The following B4GALT5 variants were observed in gnomAD, a reference collection of about 807,000 sequenced individuals.
The protein encoded by B4GALT5 is UDP-Gal:beta-GlcNAc beta-1,4-galactosyltransferase 5.
A neutral mutation model predicts 45.0 loss-of-function variants in B4GALT5; 11 were observed. The observed-to-expected ratio is 0.24, with a 90% CI of 0.15 to 0.40. The LOEUF is 0.40. B4GALT5 is among the 10% of genes least tolerant of loss of function. The probability of loss-of-function intolerance (pLI) is 1.00; values close to 1 mark genes in which losing one functional copy is unlikely to be tolerated. For synonymous variants in B4GALT5, 185 were observed against 182.9 expected (o/e 1.01, Z -0.09); for missense variants, 337 against 500.2 (o/e 0.67, Z 3.11).
At chr20:49,688,413 G>T (rs1171897102) in intron 1 of B4GALT5, among the ~76,000 whole-genome samples, 1 of 152,158 alleles carries the variant, frequency 6.6e-6, no homozygotes, top group Non-Finnish European at 1.5e-5. Flanking sequence ...AACTCCTGCA[G>T]GGTACTTCCA....
chr20:49,693,660 G>A lies in B4GALT5; in HGVS notation c.115+19916C>T, dbSNP rs141157776. Reference sequence around the variant, plus strand: ...ACTATTCATGGTTACATATCATCAAGAAACAAGCTTACTTTCGCCACCACT... The same window carrying A: ...ACTATTCATGGTTACATATCATCAAAAAACAAGCTTACTTTCGCCACCACT... On this transcript the variant is annotated intron_variant, in intron 1 of 8. Coordinates refer to ENST00000371711, the MANE Select transcript of B4GALT5 (RefSeq NM_004776.4). Among the ~76,000 whole-genome samples, 156 of 152,322 alleles carry A rather than the reference G, an allele frequency of 1.0e-3. 1 individual carries two copies. Among genetic ancestry groups the A allele is most frequent in the Non-Finnish European group, 1.8e-3 (123 of 68,036 alleles).
intron 1 of B4GALT5, among the ~76,000 whole-genome samples, chr20:49,665,175 T>A (rs1196007119): frequency 6.6e-6 from 1 of 151,764 alleles, no homozygotes; most frequent in East Asian, 1.9e-4. Context: ...CCCAGCAGTT[T>A]GGGAGGCCTA....
Position 49,656,578 on chromosome 20 carries a change from T to C in B4GALT5, c.240A>G (p.Val80=), listed in dbSNP as rs765164789. 1.9e-6 allele frequency: 3 copies of C among 1,614,208 alleles called. No individual in the cohort carries two copies. The highest frequency in any genetic ancestry group is 1.3e-5 in the African/African-American group (1 of 75,054). ...TTACTAAAAATATACCTGAGTCATT[T>C]ACACTGCTGTTCCTCTTGGCATAAG... ...RSAYAKRNSS[V]NDSDYPLDLN... Residue 80 remains valine (V), a synonymous_variant, in exon 2 of 9, where the codon GTA becomes GTG. Transcript: ENST00000371711.
In B4GALT5 at chr20:49,713,591, C is replaced by T. The variant is rs2085930392; in HGVS notation, c.100G>A (p.Val34Met). The T allele has an allele frequency of 6.3e-7, 1 of 1,588,196 alleles. No homozygotes were observed. The highest frequency in any genetic ancestry group is 8.6e-7 in the Non-Finnish European group (1 of 1,168,448). ...CCCTTCCTACCTATGCCGGGCGCCA[C>T]ATAGACGAAGTACAGCAGCGAGGAC... ...LSSSLLYFVYVAPGIVNTYLF... is the reference protein window; with the variant it reads ...LSSSLLYFVYMAPGIVNTYLF... The change falls in exon 1 of 9, where the codon GTG (valine) becomes ATG (methionine). Residue 34 changes from valine to methionine, a missense_variant. Val to Met is a conservative substitution (Grantham distance 21, BLOSUM62 1). Coordinates refer to ENST00000371711, the MANE Select transcript of B4GALT5 (RefSeq NM_004776.4).
intron 2 of B4GALT5, among the ~76,000 whole-genome samples, chr20:49,655,894 T>C (rs558014401): frequency 5.7e-5 from 8 of 140,562 alleles, no homozygotes; most frequent in Admixed American, 2.3e-4. Flanking sequence ...ACCCGTTGCA[T>C]GCCAGCCTGG....
chr20:49,658,784 A>G (rs1026442990), intron 1 of B4GALT5, among the ~76,000 whole-genome samples: 1 of 152,194 alleles, frequency 6.6e-6, no homozygotes, highest in African/African-American at 2.4e-5. Flanking sequence ...ATGAATGTGC[A>G]CTTGTAACAA....
chr20:49,679,158 A>G lies in B4GALT5; in HGVS notation c.116-22456T>C, dbSNP rs149675534. 4.6e-5 allele frequency among the ~76,000 whole-genome samples: 7 copies of G among 152,282 alleles called. No individual in the cohort carries two copies. In the East Asian group the frequency reaches 1.3e-3, roughly 29 times the overall value. ...TCAATAGATTATGGGAAATGGCCTAAAAGTCTACTGGAAACCAGACTGAAC... is the reference window on the plus strand; with the variant it reads ...TCAATAGATTATGGGAAATGGCCTAGAAGTCTACTGGAAACCAGACTGAAC... On this transcript the variant is annotated intron_variant, in intron 1 of 8. Coordinates refer to ENST00000371711, the MANE Select transcript of B4GALT5 (RefSeq NM_004776.4).
chr20:49,653,659 T>C (rs2085631060), intron 2 of B4GALT5, among the ~76,000 whole-genome samples: 1 of 152,246 alleles, frequency 6.6e-6, no homozygotes, highest in Non-Finnish European at 1.5e-5. Context: ...TTCTGGGTTC[T>C]TGTGAGGGAC....
intron 1 of B4GALT5, among the ~76,000 whole-genome samples, chr20:49,711,765 GCCTGTTCTATCTTC>G: frequency 6.6e-6 from 1 of 152,278 alleles, no homozygotes; most frequent in East Asian, 1.9e-4. Flanking sequence ...ATCTGATGCT[GCCTGTTCTATCTTC>G]CCAGATCTAG....
At chr20:49,651,720 T>C (rs1022105719) in intron 2 of B4GALT5, among the ~76,000 whole-genome samples, 6 of 152,232 alleles carry the variant, frequency 3.9e-5, no homozygotes, top group East Asian at 1.9e-4. Flanking sequence ...TTATTCAGCA[T>C]TGCTTCACAC....
chr20:49,646,759 G>A (rs2085600667), intron 3 of B4GALT5, among the ~76,000 whole-genome samples: 1 of 152,196 alleles, frequency 6.6e-6, no homozygotes, highest in African/African-American at 2.4e-5. Context: ...GAGTGAAAAA[G>A]TAGGAAAGGT....
rs34950656 is a variant in B4GALT5, at chr20:49,703,891, G to GAA, written c.115+9683_115+9684dup. Among the ~76,000 whole-genome samples, 598 of 142,580 alleles carry GAA rather than the reference G, an allele frequency of 4.2e-3. 5 individuals carry two copies. The highest frequency in any genetic ancestry group is 5.1e-3 in the Non-Finnish European group (332 of 65,638). 93.5% of individuals were successfully genotyped at this position (142,580 alleles called of 152,430 possible). ...GCAACTGAGTGAGACTCCATCTCAG[G>GAA]AAAAAAAAAAAAATACAGATTCAAA... On this transcript the variant is annotated intron_variant, in intron 1 of 8. Transcript: ENST00000371711.
chr20:49,674,659 C>A (rs1389471079), intron 1 of B4GALT5, among the ~76,000 whole-genome samples: 2 of 150,870 alleles, frequency 1.3e-5, no homozygotes, highest in African/African-American at 4.9e-5. Context: ...CCAGACCAGC[C>A]TGGGAAACAT....
chr20:49,706,525 C>T (rs903301152), intron 1 of B4GALT5, among the ~76,000 whole-genome samples: 4 of 152,192 alleles, frequency 2.6e-5, no homozygotes, highest in African/African-American at 7.2e-5. Context: ...ACATGACACT[C>T]AAATGCTGGG....
intron 1 of B4GALT5, among the ~76,000 whole-genome samples, chr20:49,699,189 A>C (rs986247880): frequency 2.0e-5 from 3 of 152,104 alleles, no homozygotes; most frequent in Non-Finnish European, 4.4e-5. Flanking sequence ...AATGACAATC[A>C]GTACTGATTG....
intron 1 of B4GALT5, among the ~76,000 whole-genome samples, chr20:49,657,357 C>G (rs977199036): frequency 7.2e-5 from 11 of 152,166 alleles, no homozygotes; most frequent in Non-Finnish European, 4.4e-5. Flanking sequence ...ATGCTCTTAA[C>G]AAATGAGTGT....
chr20:49,713,543 G>C (rs749745490), intron 1 of B4GALT5, 33 bp downstream of exon 1: 1 of 1,543,970 alleles, frequency 6.5e-7, no homozygotes, highest in South Asian at 1.2e-5. Context: ...AGGCCAGAGC[G>C]GCAGCCGCCG....
At chr20:49,703,727 A>T (rs2085872270) in intron 1 of B4GALT5, among the ~76,000 whole-genome samples, 1 of 20,508 alleles carries the variant, frequency 4.9e-5, no homozygotes, top group Non-Finnish European at 1.4e-4. Flanking sequence ...CATTTCTACT[A>T]AAAAAAAAAA....
At chr20:49,656,462 CCT>C in intron 2 of B4GALT5, 104 bp downstream of exon 2, 1 of 1,421,868 alleles carries the variant, frequency 7.0e-7, no homozygotes, top group East Asian at 2.3e-5. Flanking sequence ...CAGCCAAATC[CCT>C]CTTTTACAAT....
Sources: allele counts gnomAD v4.1 joint callset (sites outside exome capture counted in the v4.1 genomes callset), GRCh38; gene constraint gnomAD v4.1.1; transcripts MANE v1.5; gene names NCBI Gene and HGNC (gene_info 2026-07-23, HGNC 2026-07-21).